The following RNF144B variants were observed in gnomAD, a reference collection of about 807,000 sequenced individuals.
The protein encoded by RNF144B is ring finger protein 144B.
RNF144B carries 25 observed loss-of-function variants against 40.2 expected under a neutral mutation model. That is an observed-to-expected ratio of 0.62 (90% confidence interval 0.45 to 0.87). RNF144B has a LOEUF of 0.87. RNF144B is among the 40% of genes least tolerant of loss of function. The pLI, the probability that RNF144B is intolerant of heterozygous loss-of-function variation, is 0.00. For synonymous variants in RNF144B, 145 were observed against 136.3 expected (o/e 1.06, Z -0.44); for missense variants, 365 against 373.7 (o/e 0.98, Z 0.19).
Position 18,445,108 on chromosome 6 carries a change from C to T in RNF144B, c.331+5364C>T, listed in dbSNP as rs971255839. ...GATTTTTTTAACACCTCCCATCTCT[C>T]ATTAGTCTACTGAAACAGTTTTATT... On this transcript the variant is annotated intron_variant, in intron 4 of 7. Transcript: ENST00000259939. Among the ~76,000 whole-genome samples, 4 of 152,158 alleles carry T rather than the reference C, an allele frequency of 2.6e-5. No homozygotes were observed. The South Asian group carries it at 6.2e-4, about 24-fold the overall frequency.
rs1759108751 is a variant in RNF144B, at chr6:18,447,433, GA to G, written c.331+7690del. 6.6e-6 allele frequency among the ~76,000 whole-genome samples: 1 copy of G among 152,188 alleles called. No individual in the cohort carries two copies. The highest frequency in any genetic ancestry group is 1.5e-5 in the Non-Finnish European group (1 of 68,030). ...AGGGCCTGATCCCATAGATTATGAA[GA>G]TGAAGTCTTAGTGGGATGAGAAGCC... On this transcript the variant is annotated intron_variant, in intron 4 of 7. Coordinates refer to ENST00000259939, the MANE Select transcript of RNF144B (RefSeq NM_182757.4). The surrounding 1 kb of genome is among the most constrained non-coding windows in gnomAD (Gnocchi z 5.6).
intron 7 of RNF144B, among the ~76,000 whole-genome samples, chr6:18,463,890 G>T (rs1191035099): frequency 6.6e-6 from 1 of 152,190 alleles, no homozygotes; most frequent in African/African-American, 2.4e-5. Flanking sequence ...AGGCAAGAGA[G>T]CTTGTGCAGG....
intron 3 of RNF144B, among the ~76,000 whole-genome samples, chr6:18,433,859 G>A (rs12528119): frequency 0.13 from 19,396 of 152,104 alleles, 1,385 homozygotes; most frequent in Admixed American, 0.19. Context: ...AGCAGCTCTC[G>A]TTCTCTGCGT....
At chr6:18,427,548 A>C in intron 2 of RNF144B, 33 bp from the exon 3 acceptor site, 1 of 1,453,560 alleles carries the variant, frequency 6.9e-7, no homozygotes, top group Non-Finnish European at 9.6e-7. Context: ...CTGTAATGGA[A>C]TGGGCAATTG....
rs149683629 is a variant in RNF144B at position 18,434,021 on chromosome 6, A to G, written c.271-5663A>G. Among the ~76,000 whole-genome samples the G allele has an allele frequency of 6.6e-6, 1 of 152,334 alleles. No homozygotes were observed. Among genetic ancestry groups the G allele is most frequent in the African/African-American group, 2.4e-5 (1 of 41,578 alleles). ...GTAATGATCCACTTACTAGTGGTCA[A>G]TTCCATCTCCAGATGTTCTGATATG... On this transcript the variant is annotated intron_variant, in intron 3 of 7. Transcript: ENST00000259939. This position sits in a 1 kb window ranked among gnomAD's most constrained non-coding sequence, Gnocchi z 4.1.
Position 18,465,491 on chromosome 6 carries a change from A to C in RNF144B, c.*424A>C, listed in dbSNP as rs144150304. 114 of 162,156 alleles carry C rather than the reference A, an allele frequency of 7.0e-4. No individual in the cohort carries two copies. Among genetic ancestry groups the C allele is most frequent in the African/African-American group, 2.6e-3 (110 of 41,812 alleles). The allele number at this position is 162,156 out of a possible 1,614,324, so 10.0% of individuals were successfully genotyped here. The stretch of plus-strand genomic sequence containing the variant: ...TGTTGATTTGACTGCCATGAGAAAC[A>C]CAGGGGAAACCTGATGAGGAGAAGG... On this transcript the variant is annotated 3_prime_UTR_variant, in exon 8 of 8. Transcript: ENST00000259939.
chr6:18,459,665 T>C lies in RNF144B; in HGVS notation c.595T>C (p.Tyr199His). Reference sequence around the variant, plus strand: ...TAAGCAGTGCCCAGTTTGCCGGGTTTATATCGAACGCAATGAAGGCTGCGC... The same window carrying C: ...TAAGCAGTGCCCAGTTTGCCGGGTTCATATCGAACGCAATGAAGGCTGCGC... ...PIKQCPVCRV[Y>H]IERNEGCAQM... The change falls in exon 6 of 8, where the codon TAT (tyrosine) becomes CAT (histidine). Residue 199 changes from tyrosine (Y) to histidine (H), a missense_variant. By Grantham distance (83) the Tyr-to-His change is moderately conservative. Coordinates refer to ENST00000259939, the MANE Select transcript of RNF144B (RefSeq NM_182757.4). The surrounding 1 kb of genome is among the most constrained non-coding windows in gnomAD (Gnocchi z 4.2). 6.2e-7 allele frequency: 1 copy of C among 1,614,140 alleles called. No individual in the cohort carries two copies.
rs2038745 is a variant in RNF144B, at chr6:18,418,477, T to C, written c.166-9104T>C. Reference sequence around the variant, plus strand: ...GTGAAGCCATTGACAAAGGACCATATATTGTATCATTCCATTTATATGAAA... The same window carrying C: ...GTGAAGCCATTGACAAAGGACCATACATTGTATCATTCCATTTATATGAAA... On this transcript the variant is annotated intron_variant, in intron 2 of 7. Coordinates refer to ENST00000259939, the MANE Select transcript of RNF144B (RefSeq NM_182757.4). This position sits in a 1 kb window ranked among gnomAD's most constrained non-coding sequence, Gnocchi z 5.2. Among the ~76,000 whole-genome samples, 112,704 of 152,118 alleles carry C rather than the reference T, an allele frequency of 0.74. 43,173 individuals carry two copies. The highest frequency in any genetic ancestry group is 0.86 in the South Asian group (4,136 of 4,822).
intron 2 of RNF144B, among the ~76,000 whole-genome samples, chr6:18,403,200 AT>A (rs1220387193): frequency 1.3e-5 from 2 of 152,242 alleles, no homozygotes; most frequent in African/African-American, 4.8e-5. Flanking sequence ...ATAATGCCAC[AT>A]AATGTTAATT....
chr6:18,430,540 G>A (rs1758668988), intron 3 of RNF144B, among the ~76,000 whole-genome samples: 1 of 151,684 alleles, frequency 6.6e-6, no homozygotes, highest in Non-Finnish European at 1.5e-5. Flanking sequence ...TGTTGCCCAT[G>A]CTGGAGTACA....
chr6:18,414,672 T>G lies in RNF144B; in HGVS notation c.166-12909T>G, dbSNP rs1168591653. Among the ~76,000 whole-genome samples, 1 of 152,210 alleles carries G rather than the reference T, an allele frequency of 6.6e-6. No individual in the cohort carries two copies. Among genetic ancestry groups the G allele is most frequent in the Non-Finnish European group, 1.5e-5 (1 of 68,024 alleles). On this transcript the variant is annotated intron_variant, in intron 2 of 7. Coordinates refer to ENST00000259939, the MANE Select transcript of RNF144B (RefSeq NM_182757.4). This position sits in a 1 kb window ranked among gnomAD's most constrained non-coding sequence, Gnocchi z 4.9. ...AATTTATTCAAACTGGTTTAAATAC[T>G]GAGACAGATTTTATTTAAAATATAG...
At chr6:18,453,974 G>A (rs908861172) in intron 4 of RNF144B, among the ~76,000 whole-genome samples, 1 of 152,206 alleles carries the variant, frequency 6.6e-6, no homozygotes, top group Non-Finnish European at 1.5e-5. Context: ...GAGGTAGGCT[G>A]TCATGGGTTT....
In RNF144B at chr6:18,465,731, A is replaced by C. The variant is rs960393104; in HGVS notation, c.*664A>C. 6.6e-6 allele frequency: 1 copy of C among 152,246 alleles called. No homozygotes were observed. The highest frequency in any genetic ancestry group is 2.4e-5 in the African/African-American group (1 of 41,464). The allele number at this position is 152,246 out of a possible 1,614,324, so 9.4% of individuals were successfully genotyped here. On this transcript the variant is annotated 3_prime_UTR_variant, in exon 8 of 8. Transcript: ENST00000259939. ...AGAGGGAGTTGCCCCTTCCCAGTAA[A>C]AGAGTTGCAGCCTGTTAAACAATGT...
chr6:18,395,740 A>G lies in RNF144B; in HGVS notation c.-36-3759A>G, dbSNP rs1794682625. Among the ~76,000 whole-genome samples the G allele has an allele frequency of 6.6e-6, 1 of 152,074 alleles. No individual in the cohort carries two copies. The highest frequency in any genetic ancestry group is 1.5e-5 in the Non-Finnish European group (1 of 68,020). On this transcript the variant is annotated intron_variant, in intron 1 of 7. Coordinates refer to ENST00000259939, the MANE Select transcript of RNF144B (RefSeq NM_182757.4). The surrounding 1 kb of genome is among the most constrained non-coding windows in gnomAD (Gnocchi z 4.5). ...TGCCTGGGGGGCTGCTGAGTGGGGA[A>G]GGTCAAGGGGACTGGCTCTGGACAC...
At chr6:18,455,403 A>T (rs915900802) in intron 4 of RNF144B, among the ~76,000 whole-genome samples, 1 of 152,250 alleles carries the variant, frequency 6.6e-6, no homozygotes, top group Non-Finnish European at 1.5e-5. Context: ...TAGTGGAGAC[A>T]GTATTTTATT....
chr6:18,387,696 G>C, intron 1 of RNF144B, 66 bp downstream of exon 1: 2 of 1,236,608 alleles, frequency 1.6e-6, no homozygotes, highest in South Asian at 1.3e-5. Context: ...GCTGGACTAA[G>C]GAAAAAGGAC....
At position 18,400,290 on chromosome 6, in the gene RNF144B, T is replaced by A. The variant is rs946702650; in HGVS notation, c.165+591T>A. ...TCTGTCTCAAAAAAAAAAAAAAAAA[T>A]TTAACATGCTGTAGTTAACTACCAC... On this transcript the variant is annotated intron_variant, in intron 2 of 7. Coordinates refer to ENST00000259939, the MANE Select transcript of RNF144B (RefSeq NM_182757.4). This position sits in a 1 kb window ranked among gnomAD's most constrained non-coding sequence, Gnocchi z 5.6. Among the ~76,000 whole-genome samples the A allele has an allele frequency of 3.3e-5, 5 of 150,964 alleles. No homozygotes were observed. Among genetic ancestry groups the A allele is most frequent in the African/African-American group, 7.3e-5 (3 of 41,044 alleles).
chr6:18,389,540 A>G (rs1245027083), intron 1 of RNF144B, among the ~76,000 whole-genome samples: 1 of 152,178 alleles, frequency 6.6e-6, no homozygotes, highest in African/African-American at 2.4e-5. Context: ...CCTTTCTCCG[A>G]AGTGTTTCTG....
rs562996651 is a variant in RNF144B at position 18,421,994 on chromosome 6, G to A, written c.166-5587G>A. On this transcript the variant is annotated intron_variant, in intron 2 of 7. Transcript: ENST00000259939. Reference sequence around the variant, plus strand: ...CAGTCCTTTCATGTCCTATATGGTTGGCCAACACCTACAAGGGGGAGGTTG... The same window carrying A: ...CAGTCCTTTCATGTCCTATATGGTTAGCCAACACCTACAAGGGGGAGGTTG... Among the ~76,000 whole-genome samples, 4 of 152,172 alleles carry A rather than the reference G, an allele frequency of 2.6e-5. No homozygotes were observed. The South Asian group carries it at 8.3e-4, about 32-fold the overall frequency.
Sources: gnomAD v4.1 joint callset for allele counts (sites outside exome capture counted in the v4.1 genomes callset) on GRCh38, gnomAD v4.1.1 for gene constraint, Gnocchi (gnomAD v3.1) non-coding constraint, MANE v1.5 for transcripts, NCBI Gene and HGNC (gene_info 2026-07-23, HGNC 2026-07-21) for gene names.